RAPGEF6: variants seen among roughly 807,000 people sequenced by gnomAD.
RAPGEF6 encodes the protein PDZ domain containing guanine nucleotide exchange factor (GEF) 2.
RAPGEF6 carries 56 observed loss-of-function variants against 171.4 expected under a neutral mutation model. The ratio of observed to expected loss-of-function variants is 0.33; its 90% CI spans 0.26 to 0.41. RAPGEF6 has a LOEUF of 0.41. Ranked by LOEUF, RAPGEF6 falls within the 10% of genes least tolerant of loss-of-function variation. The pLI is 1.00. For synonymous variants in RAPGEF6, 692 were observed against 650.1 expected, an observed-to-expected ratio of 1.06 and a Z score of -0.98; for missense variants, 1,674 against 1,921.4, an observed-to-expected ratio of 0.87 and a Z score of 2.41.
intron 5 of RAPGEF6, among the ~76,000 whole-genome samples, chr5:131,551,582 A>G (rs891216403): frequency 3.3e-5 from 5 of 152,118 alleles, no homozygotes; most frequent in Non-Finnish European, 5.9e-5. Context: ...GTGTGACTAA[A>G]AAGTCCAACT....
intron 4 of RAPGEF6, among the ~76,000 whole-genome samples, chr5:131,568,865 T>C (rs1762104250): frequency 6.6e-6 from 1 of 152,046 alleles, no homozygotes; most frequent in South Asian, 2.1e-4. Context: ...AACTACTAGA[T>C]CTAATAAAAG....
intron 8 of RAPGEF6, among the ~76,000 whole-genome samples, chr5:131,509,365 A>C (rs538750913): frequency 6.6e-6 from 1 of 152,226 alleles, no homozygotes; most frequent in South Asian, 2.1e-4. Flanking sequence ...AACACGTTGA[A>C]ACCCCATTGC....
intron 6 of RAPGEF6, among the ~76,000 whole-genome samples, chr5:131,540,545 C>T (rs1760068263): frequency 6.6e-6 from 1 of 152,140 alleles, no homozygotes. Flanking sequence ...GCTTGGGCAA[C>T]AGAGCGAGAC....
In RAPGEF6 at chr5:131,554,741, TCCTGATCTCA is replaced by T. The variant is rs1353487389; in HGVS notation, c.352-6561_352-6552del. On this transcript the variant is annotated intron_variant, in intron 5 of 27. Transcript: ENST00000509018. Reference sequence around the variant, plus strand: ...CATGTTGGCCAGGCTGGTCTCGCACTCCTGATCTCAGGTGATCCACCCGCCTTGGCCTCCC... The same window carrying T: ...CATGTTGGCCAGGCTGGTCTCGCACTGGTGATCCACCCGCCTTGGCCTCCC... Among the ~76,000 whole-genome samples the T allele has an allele frequency of 3.9e-5, 6 of 152,250 alleles. No homozygotes were observed. In the East Asian group the frequency reaches 1.2e-3, roughly 29 times the overall value.
chr5:131,454,184 G>T (rs754292704), intron 20 of RAPGEF6, among the ~76,000 whole-genome samples: 1 of 152,174 alleles, frequency 6.6e-6, no homozygotes, highest in African/African-American at 2.4e-5. Context: ...ACTCTGAAGA[G>T]CTATATCCTG....
intron 15 of RAPGEF6, among the ~76,000 whole-genome samples, chr5:131,486,790 C>G (rs1298123388): frequency 7.1e-6 from 1 of 140,096 alleles, no homozygotes; most frequent in Non-Finnish European, 1.5e-5. Context: ...AGTGCAGTGG[C>G]GCAATCTCGG....
intron 1 of RAPGEF6, among the ~76,000 whole-genome samples, chr5:131,620,582 CTTTT>C (rs367997318): frequency 1.3e-5 from 2 of 149,112 alleles, no homozygotes; most frequent in African/African-American, 2.5e-5. Context: ...AAAATCCATT[CTTTT>C]TTTTTTCTTT....
intron 4 of RAPGEF6, among the ~76,000 whole-genome samples, chr5:131,581,001 C>T (rs1472820620): frequency 6.6e-6 from 1 of 151,768 alleles, no homozygotes; most frequent in Non-Finnish European, 1.5e-5. Context: ...GACTTTCTGC[C>T]TCCACTACCA....
chr5:131,518,113 C>T (rs1758219366), intron 7 of RAPGEF6, among the ~76,000 whole-genome samples: 1 of 152,000 alleles, frequency 6.6e-6, no homozygotes, highest in Non-Finnish European at 1.5e-5. Context: ...CTCGGATTTA[C>T]ATTCTGTATC....
chr5:131,551,128 C>T (rs1384304669), intron 5 of RAPGEF6, among the ~76,000 whole-genome samples: 1 of 152,092 alleles, frequency 6.6e-6, no homozygotes, highest in African/African-American at 2.4e-5. Context: ...GGCCATATAC[C>T]AGAAACTGCA....
chr5:131,534,224 A>C (rs1202009379), intron 6 of RAPGEF6, among the ~76,000 whole-genome samples: 1 of 152,142 alleles, frequency 6.6e-6, no homozygotes, highest in East Asian at 1.9e-4. Flanking sequence ...AAAGGACTCC[A>C]CTGACTGCAG....
chr5:131,435,986 T>C (rs1220726300), intron 24 of RAPGEF6: 8 of 1,536,192 alleles, frequency 5.2e-6, no homozygotes, highest in African/African-American at 2.7e-5. Flanking sequence ...TTGAATCGCG[T>C]ATAGAAGCAG....
At chr5:131,618,658 T>C (rs1009654597) in intron 1 of RAPGEF6, among the ~76,000 whole-genome samples, 1 of 151,968 alleles carries the variant, frequency 6.6e-6, no homozygotes, top group Non-Finnish European at 1.5e-5. Flanking sequence ...AAAAAGAAAA[T>C]TATCACTTTG....
At chr5:131,605,095 ACTTTCTAAAGAATTT>A (rs1289977615) in intron 1 of RAPGEF6, among the ~76,000 whole-genome samples, 3 of 152,202 alleles carry the variant, frequency 2.0e-5, no homozygotes, top group African/African-American at 7.2e-5. Flanking sequence ...TTAAAATATG[ACTTTCTAAAGAATTT>A]CTTTCTAAAG....
intron 19 of RAPGEF6, among the ~76,000 whole-genome samples, chr5:131,457,309 A>T (rs1033265749): frequency 3.3e-5 from 5 of 152,126 alleles, no homozygotes; most frequent in Non-Finnish European, 7.4e-5. Flanking sequence ...GAGCTCAAGT[A>T]ATCTGCCTGC....
At chr5:131,436,975 T>C (rs968816505) in intron 24 of RAPGEF6, among the ~76,000 whole-genome samples, 1 of 152,212 alleles carries the variant, frequency 6.6e-6, no homozygotes, top group Admixed American at 6.5e-5. Flanking sequence ...ACAGGTTTAT[T>C]TTCTTAATCA....
intron 6 of RAPGEF6, among the ~76,000 whole-genome samples, chr5:131,541,465 A>G (rs1056437061): frequency 6.6e-6 from 1 of 152,212 alleles, no homozygotes; most frequent in African/African-American, 2.4e-5. Context: ...GAGCTAAATA[A>G]GAAAAGGATT....
At chr5:131,446,348 C>T in intron 22 of RAPGEF6, 135 bp downstream of exon 22, 1 of 787,052 alleles carries the variant, frequency 1.3e-6, no homozygotes, top group Non-Finnish European at 2.0e-6. Context: ...AATTGGATCA[C>T]ATGATGCTTA....
At chr5:131,459,906 G>T (rs1432765167) in intron 19 of RAPGEF6, among the ~76,000 whole-genome samples, 1 of 152,000 alleles carries the variant, frequency 6.6e-6, no homozygotes, top group Non-Finnish European at 1.5e-5. Context: ...TTTTTTCCAT[G>T]TACATGTCAT....
Sources: gnomAD v4.1 joint callset for allele counts (sites outside exome capture counted in the v4.1 genomes callset) on GRCh38, gnomAD v4.1.1 for gene constraint, MANE v1.5 for transcripts, NCBI Gene and HGNC (gene_info 2026-07-23, HGNC 2026-07-21) for gene names.